Variants in CKAP5 observed in about 807,000 individuals in gnomAD.
The protein encoded by CKAP5 is cytoskeleton associated protein 5.
A neutral mutation model predicts 232.8 loss-of-function variants in CKAP5; 27 were observed. The ratio of observed to expected loss-of-function variants is 0.12; its 90% CI spans 0.09 to 0.16. The LOEUF is 0.16. CKAP5 is among the 10% of genes least tolerant of loss of function. The pLI, the probability that CKAP5 is intolerant of heterozygous loss-of-function variation, is 1.00. For synonymous variants in CKAP5, 785 were observed against 841.1 expected (o/e 0.93, Z 1.16); for missense variants, 1,838 against 2,424.7 (o/e 0.76, Z 5.08).
chr11:46,823,341 A>C (rs1390839093), intron 1 of CKAP5, among the ~76,000 whole-genome samples: 3 of 152,226 alleles, frequency 2.0e-5, no homozygotes, highest in African/African-American at 7.2e-5. Context: ...GTATTAAAAT[A>C]CAATTTTACC....
intron 15 of CKAP5, among the ~76,000 whole-genome samples, 156 bp downstream of exon 15, chr11:46,789,920 C>G (rs187973017): frequency 6.6e-6 from 1 of 152,298 alleles, no homozygotes; most frequent in African/African-American, 2.4e-5. Context: ...CACTACACAG[C>G]TACAAGAAAT....
intron 32 of CKAP5, 75 bp from the exon 33 acceptor site, chr11:46,760,859 C>A: frequency 7.6e-7 from 1 of 1,308,318 alleles, no homozygotes; most frequent in South Asian, 1.3e-5. Context: ...ACAAATAGAA[C>A]CTTCTATGTT....
chr11:46,792,015 A>T (rs1938739711), intron 13 of CKAP5, among the ~76,000 whole-genome samples: 1 of 152,234 alleles, frequency 6.6e-6, no homozygotes, highest in African/African-American at 2.4e-5. Flanking sequence ...AACTAAATGG[A>T]AACCTGTAAT....
At chr11:46,838,022 C>A (rs945011343) in intron 1 of CKAP5, among the ~76,000 whole-genome samples, 1 of 151,804 alleles carries the variant, frequency 6.6e-6, no homozygotes, top group Non-Finnish European at 1.5e-5. Flanking sequence ...TATTTCAGGT[C>A]AATATGAACA....
At chr11:46,749,472 A>G (rs2065046542) in intron 42 of CKAP5, among the ~76,000 whole-genome samples, 1 of 151,784 alleles carries the variant, frequency 6.6e-6, no homozygotes, top group Non-Finnish European at 1.5e-5. Flanking sequence ...AAAAAAAAAA[A>G]AAAAAAATCT....
intron 1 of CKAP5, among the ~76,000 whole-genome samples, chr11:46,828,010 T>A (rs754765711): frequency 3.9e-5 from 6 of 152,198 alleles, no homozygotes; most frequent in Non-Finnish European, 7.3e-5. Flanking sequence ...TTTAGATGAA[T>A]CAACACACCT....
Position 46,759,286 on chromosome 11 carries a change from G to A in CKAP5, c.4551C>T (p.Val1517=). 1.9e-6 allele frequency: 3 copies of A among 1,613,622 alleles called. No individual in the cohort carries two copies. Among genetic ancestry groups the A allele is most frequent in the South Asian group, 1.1e-5 (1 of 90,970 alleles). ...QHKLDDIFEP[V]LIPEPKIRAV... ...TAACTCACTTGGGTTCAGGAATAAG[G>A]ACTGGCTCAAAAATGTCATCCAGTT... The change falls in exon 34 of 44, where the codon GTC becomes GTT. Residue 1517 remains valine (V), a synonymous_variant. Transcript: ENST00000529230.
intron 18 of CKAP5, among the ~76,000 whole-genome samples, chr11:46,783,016 T>C (rs1056512351): frequency 1.3e-5 from 2 of 152,216 alleles, no homozygotes; most frequent in African/African-American, 4.8e-5. Flanking sequence ...CTAGAAATTC[T>C]TGGAACTGGA....
At chr11:46,805,059 T>A (rs1227060965) in intron 8 of CKAP5, among the ~76,000 whole-genome samples, 2 of 150,320 alleles carry the variant, frequency 1.3e-5, no homozygotes, top group African/African-American at 2.4e-5. Context: ...AAACCCTGTC[T>A]CTACTAAAAA....
intron 11 of CKAP5, among the ~76,000 whole-genome samples, chr11:46,797,390 C>CAACA (rs1938903024): frequency 7.3e-6 from 1 of 137,726 alleles, no homozygotes; most frequent in East Asian, 3.5e-4. Context: ...ACAACAACAA[C>CAACA]AAAAAAAAAA....
intron 1 of CKAP5, among the ~76,000 whole-genome samples, chr11:46,837,612 A>G (rs1007091008): frequency 7.9e-5 from 12 of 152,124 alleles, no homozygotes; most frequent in Admixed American, 2.6e-4. Context: ...AGAAATACAC[A>G]AGATGAGCCT....
At position 46,749,457 on chromosome 11, in the gene CKAP5, GAA is replaced by G. The variant is rs951405505; in HGVS notation, c.5704+815_5704+816del. Among the ~76,000 whole-genome samples the G allele has an allele frequency of 4.1e-3, 315 of 76,486 alleles. 2 individuals are homozygous for G. Among genetic ancestry groups the G allele is most frequent in the African/African-American group, 0.013 (293 of 23,310 alleles). 50.2% of individuals were successfully genotyped at this position (76,486 alleles called of 152,430 possible). A position where few individuals can be genotyped will look rare whatever the true frequency, so the allele number is the denominator to read the frequency against. ...GTGACAGGGTGAGACTCCGTCTCAA[GAA>G]AAAAAAAAAAAAAAAAAAAATCTAT... On this transcript the variant is annotated intron_variant, in intron 42 of 43. Transcript: ENST00000529230.
chr11:46,779,698 G>T (rs2065322867), intron 20 of CKAP5, among the ~76,000 whole-genome samples: 1 of 151,988 alleles, frequency 6.6e-6, no homozygotes, highest in South Asian at 2.1e-4. Flanking sequence ...TGGCTCACTG[G>T]AGCCTCAACC....
At chr11:46,775,909 A>G (rs1371768197) in intron 24 of CKAP5, among the ~76,000 whole-genome samples, 1 of 152,168 alleles carries the variant, frequency 6.6e-6, no homozygotes, top group African/African-American at 2.4e-5. Context: ...CCACCATGGC[A>G]CATGTATACC....
chr11:46,761,347 T>C (rs2065153860), intron 32 of CKAP5, among the ~76,000 whole-genome samples: 1 of 152,216 alleles, frequency 6.6e-6, no homozygotes, highest in African/African-American at 2.4e-5. Flanking sequence ...ATTTTTTGTT[T>C]TGTCACCACT....
At chr11:46,790,876 C>A (rs543642253) in intron 13 of CKAP5, among the ~76,000 whole-genome samples, 7 of 152,160 alleles carry the variant, frequency 4.6e-5, no homozygotes, top group Non-Finnish European at 8.8e-5. Context: ...GTCTCGAATT[C>A]CTGGCTGCAA....
chr11:46,810,452 G>C (rs1939248683), intron 5 of CKAP5, among the ~76,000 whole-genome samples: 1 of 152,064 alleles, frequency 6.6e-6, no homozygotes, highest in South Asian at 2.1e-4. Flanking sequence ...TAGGACTACA[G>C]GCTGTGCTAC....
intron 42 of CKAP5, 41 bp from the exon 43 acceptor site, chr11:46,744,618 T>TA (rs764045553): frequency 1.3e-6 from 2 of 1,579,134 alleles, no homozygotes; most frequent in South Asian, 2.2e-5. Flanking sequence ...GATATCCACA[T>TA]ATCCCCCTTC....
intron 1 of CKAP5, chr11:46,826,842 G>GGCAGCA (rs948592657): frequency 6.4e-5 from 10 of 155,494 alleles, no homozygotes; most frequent in Admixed American, 1.3e-4. Flanking sequence ...CGGCGGCGGC[G>GGCAGCA]GCAGCAGCAT....
Sources: allele counts gnomAD v4.1 joint callset (sites outside exome capture counted in the v4.1 genomes callset), GRCh38; gene constraint gnomAD v4.1.1; transcripts MANE v1.5; gene names NCBI Gene and HGNC (gene_info 2026-07-23, HGNC 2026-07-21).